PPAN: variants seen among roughly 807,000 people sequenced by gnomAD.
The protein encoded by PPAN is peter pan homolog, also known as suppressor of SWI4 1 homolog.
In PPAN, 39 loss-of-function variants were observed where a neutral mutation model predicts 48.5. The ratio of observed to expected loss-of-function variants is 0.80; its 90% CI spans 0.62 to 1.05. The LOEUF (loss-of-function observed/expected upper bound fraction) is 1.05. PPAN is among the 50% of genes least tolerant of loss of function. The pLI, the probability that PPAN is intolerant of heterozygous loss-of-function variation, is 0.00. For missense variants in PPAN, 736 were observed against 661.7 expected, an observed-to-expected ratio of 1.11 and a Z score of -1.23; for synonymous variants, 315 against 268.6, an observed-to-expected ratio of 1.17 and a Z score of -1.69.
rs1044055263 is a variant in PPAN, at chr19:10,111,961, T to C, written c.*796T>C. The C allele has an allele frequency of 3.8e-6, 2 of 522,714 alleles. No individual in the cohort carries two copies. The highest frequency in any genetic ancestry group is 3.5e-6 in the Non-Finnish European group (1 of 289,654). The allele number at this position is 522,714 out of a possible 1,614,324, so 32.4% of individuals were successfully genotyped here. A position where few individuals can be genotyped will look rare whatever the true frequency, so the allele number is the denominator to read the frequency against. ...CCCGTCTCTACTAAAAATAAAAAAATTAGCTGGGCCTGGTGGCACATGCCT... is the reference window on the plus strand; with the variant it reads ...CCCGTCTCTACTAAAAATAAAAAAACTAGCTGGGCCTGGTGGCACATGCCT... On this transcript the variant is annotated 3_prime_UTR_variant, in exon 12 of 12. Coordinates refer to ENST00000253107, the MANE Select transcript of PPAN (RefSeq NM_020230.7).
rs568292092 is a variant in PPAN at position 10,109,716 on chromosome 19, C to T, written c.590+9C>T. ...CTGGACTTCCGCCACTAGTGAGTGTCCCAGCAGGATGGGAGACGAGGGGGT... is the reference window on the plus strand; with the variant it reads ...CTGGACTTCCGCCACTAGTGAGTGTTCCAGCAGGATGGGAGACGAGGGGGT... On this transcript the variant is annotated intron_variant, in intron 6 of 11. Transcript: ENST00000253107. 3.5e-4 allele frequency: 561 copies of T among 1,613,030 alleles called. 4 individuals carry two copies. In the South Asian group the frequency reaches 5.9e-3, roughly 17 times the overall value.
At position 10,110,313 on chromosome 19, in the gene PPAN, C is replaced by T. The variant is rs773288204; in HGVS notation, c.823-11C>T. ...CAACGGTGGGCTGACGCTTCTTCCT[C>T]GTCCCCTCAGATCGGCCCGCGGATG... On this transcript the variant is annotated splice_polypyrimidine_tract_variant and intron_variant, in intron 8 of 11. Coordinates refer to ENST00000253107, the MANE Select transcript of PPAN (RefSeq NM_020230.7). The surrounding 1 kb of genome is among the most constrained non-coding windows in gnomAD (Gnocchi z 5.9). 27 of 1,613,576 alleles carry T rather than the reference C, an allele frequency of 1.7e-5. No individual in the cohort carries two copies. The highest frequency in any genetic ancestry group is 1.6e-4 in the Middle Eastern group (1 of 6,084).
chr19:10,110,579 T>C lies in PPAN; in HGVS notation c.996T>C (p.Asn332=), dbSNP rs753661540. The C allele has an allele frequency of 6.2e-7, 1 of 1,603,698 alleles. No individual in the cohort carries two copies. The highest frequency in any genetic ancestry group is 8.5e-7 in the Non-Finnish European group (1 of 1,176,094). The change falls in exon 10 of 12, where the codon AAT becomes AAC. Residue 332 remains asparagine (N), a synonymous_variant. Transcript: ENST00000253107. The surrounding 1 kb of genome is among the most constrained non-coding windows in gnomAD (Gnocchi z 5.9). The part of the protein sequence containing the change: ...KAQRQAQQAQ[N]VQRKQEQREA... ...AGAGGCAGGCCCAGCAGGCCCAGAA[T>C]GTGCAGCGCAAGCAGGAGCAGCGGG...
At chr19:10,107,697 T>G (rs751977822) in intron 3 of PPAN, 91 bp downstream of exon 3, 1 of 1,607,690 alleles carries the variant, frequency 6.2e-7, no homozygotes, top group Non-Finnish European at 8.5e-7. Flanking sequence ...CTGCTGTGAT[T>G]TCTGGCTTCA....
At position 10,110,660 on chromosome 19, in the gene PPAN, G is replaced by A; in HGVS notation, c.1032-37G>A. ...GGCAGGGCCAAGGGGGGGTCCCTGG[G>A]ATGGGCGGCTATGTTGACCCCCACG... On this transcript the variant is annotated intron_variant, in intron 10 of 11. Transcript: ENST00000253107. The surrounding 1 kb of genome is among the most constrained non-coding windows in gnomAD (Gnocchi z 5.9). 1 of 1,611,950 alleles carries A rather than the reference G, an allele frequency of 6.2e-7. No homozygotes were observed. The highest frequency in any genetic ancestry group is 2.2e-5 in the East Asian group (1 of 44,826).
intron 2 of PPAN, among the ~76,000 whole-genome samples, 158 bp from the exon 3 acceptor site, chr19:10,107,347 C>CT: frequency 6.6e-6 from 1 of 152,212 alleles, no homozygotes; most frequent in Non-Finnish European, 1.5e-5. Context: ...CTCAAATCTG[C>CT]GTCCGACTGA....
rs1343708621 is a variant in PPAN, at chr19:10,107,555, CG to C, written c.244del (p.Val82SerfsTer5). 1 of 1,613,992 alleles carries C rather than the reference CG, an allele frequency of 6.2e-7. No individual in the cohort carries two copies. The highest frequency in any genetic ancestry group is 8.5e-7 in the Non-Finnish European group (1 of 1,180,038). Reference protein sequence around the residue: ...KDCVAVAGPLGVTHFLILSKT... With the variant: ...KDCVAVAGPLXVTHFLILSKT... ...ACTGCGTGGCAGTGGCTGGGCCCCT[CG>C]GGGTCACACACTTTCTGATCCTGAG... On this transcript the variant is annotated frameshift_variant, in exon 3 of 12. Transcript: ENST00000253107. LOFTEE classifies it high-confidence loss of function.
intron 5 of PPAN, 67 bp from the exon 6 acceptor site, chr19:10,109,564 C>G (rs1394153111): frequency 2.0e-6 from 3 of 1,514,116 alleles, no homozygotes; most frequent in East Asian, 2.3e-5. Flanking sequence ...GTGTATCCCC[C>G]AAAGCCCCCA....
chr19:10,108,411 C>T (rs1227338249), intron 5 of PPAN, among the ~76,000 whole-genome samples: 2 of 152,102 alleles, frequency 1.3e-5, no homozygotes, highest in African/African-American at 2.4e-5. Context: ...GAGTGCTGGG[C>T]TGAGCAGGAT....
At position 10,110,131 on chromosome 19, in the gene PPAN, G is replaced by A. The variant is rs892653060; in HGVS notation, c.707G>A (p.Gly236Glu). The change falls in exon 8 of 12, where the codon GGG becomes GAG. Residue 236 changes from glycine (G) to glutamate (E), a missense_variant. By Grantham distance (98) the Gly-to-Glu change is moderately conservative (BLOSUM62 -2). Transcript: ENST00000253107. This position sits in a 1 kb window ranked among gnomAD's most constrained non-coding sequence, Gnocchi z 5.9. ...TTATGTCCTACACACAGGGGCGCGGGGCTGTCGGAGAGCGAGGCAGAGCCT... is the reference window on the plus strand; with the variant it reads ...TTATGTCCTACACACAGGGGCGCGGAGCTGTCGGAGAGCGAGGCAGAGCCT... The part of the protein sequence containing the change: ...DISELLATGA[G>E]LSESEAEPDG... 1.2e-6 allele frequency: 2 copies of A among 1,610,666 alleles called. No homozygotes were observed. The highest frequency in any genetic ancestry group is 1.3e-5 in the African/African-American group (1 of 75,052).
Position 10,111,091 on chromosome 19 carries a change from C to CG in PPAN, c.1353dup (p.Pro452AlafsTer124), listed in dbSNP as rs2089049965. On this transcript the variant is annotated frameshift_variant, in exon 12 of 12. Transcript: ENST00000253107. LOFTEE classifies it low-confidence loss of function (END_TRUNC). ...CAAGTCCCAGGGAGCCCAGGCCAGG[C>CG]GGGGGCCCAGAGGGGCTTCCCGGGA... 2.5e-6 allele frequency: 4 copies of CG among 1,612,852 alleles called. No individual in the cohort carries two copies. The highest frequency in any genetic ancestry group is 3.4e-6 in the Non-Finnish European group (4 of 1,179,672).
rs940482070 is a variant in PPAN at position 10,106,926 on chromosome 19, C to T, written c.189+255C>T. The T allele has an allele frequency of 6.0e-6, 4 of 664,324 alleles. No individual in the cohort carries two copies. The East Asian group carries it at 1.1e-4, about 19-fold the overall frequency. 41.2% of individuals were successfully genotyped at this position (664,324 alleles called of 1,614,324 possible). Reference sequence around the variant, plus strand: ...CTGGAGCCGGGCGTGGTGGCTCATGCCTGTATTCCCAGCATTTGGGGATGC... The same window carrying T: ...CTGGAGCCGGGCGTGGTGGCTCATGTCTGTATTCCCAGCATTTGGGGATGC... On this transcript the variant is annotated intron_variant, in intron 2 of 11. Transcript: ENST00000253107.
At position 10,110,020 on chromosome 19, in the gene PPAN, C is replaced by G; in HGVS notation, c.698C>G (p.Thr233Arg). ...CAGGACATCAGCGAGCTGCTGGCCA[C>G]GTGAGGAGGGCATAGGGCGGGAGGC... Reference protein sequence around the residue: ...RLQDISELLATGAGLSESEAE... With the variant: ...RLQDISELLARGAGLSESEAE... Residue 233 changes from threonine (T) to arginine (R), a missense_variant and splice_region_variant, in exon 7 of 12, where the codon ACG becomes AGG. Transcript: ENST00000253107. The surrounding 1 kb of genome is among the most constrained non-coding windows in gnomAD (Gnocchi z 5.9). The G allele has an allele frequency of 1.2e-6, 2 of 1,613,832 alleles. No individual in the cohort carries two copies. The highest frequency in any genetic ancestry group is 2.7e-5 in the African/African-American group (2 of 75,068).
At position 10,110,234 on chromosome 19, in the gene PPAN, G is replaced by A. The variant is rs115304803; in HGVS notation, c.810G>A (p.Val270=). The A allele has an allele frequency of 1.6e-5, 26 of 1,611,500 alleles. No homozygotes were observed. In the African/African-American group the frequency reaches 3.1e-4, roughly 19 times the overall value. The change falls in exon 8 of 12, where the codon GTG becomes GTA. Residue 270 remains valine (V), a synonymous_variant. Coordinates refer to ENST00000253107, the MANE Select transcript of PPAN (RefSeq NM_020230.7). The surrounding 1 kb of genome is among the most constrained non-coding windows in gnomAD (Gnocchi z 5.9). The part of the protein sequence containing the change: ...RGNMRAQQSA[V]RLTEIGPRMT... ...ACATGCGGGCCCAGCAGAGTGCAGT[G>A]CGGCTCACCGAGGTGAGGCCCAGGG...
Position 10,110,917 on chromosome 19 carries a change from G to A in PPAN, c.1202-28G>A. ...CACCCAGAGCCTGTCCTTGTCTCTG[G>A]GGGCCCTGACACTGTCTCTCCCCAC... is the stretch of plus-strand genomic sequence containing the variant. On this transcript the variant is annotated intron_variant, in intron 11 of 11. Transcript: ENST00000253107. The surrounding 1 kb of genome is among the most constrained non-coding windows in gnomAD (Gnocchi z 5.9). The A allele has an allele frequency of 1.2e-6, 2 of 1,613,146 alleles. No homozygotes were observed. Among genetic ancestry groups the A allele is most frequent in the Non-Finnish European group, 1.7e-6 (2 of 1,179,780 alleles).
chr19:10,107,483 T>C (rs746156367), intron 2 of PPAN, 22 bp from the exon 3 acceptor site: 2 of 1,611,474 alleles, frequency 1.2e-6, no homozygotes, highest in Non-Finnish European at 1.7e-6. Context: ...ATGTTTTCTT[T>C]TTTTCTTTTT....
In PPAN at chr19:10,108,149, G is replaced by C; in HGVS notation, c.513+15G>C. ...ACGTGCACAAGGTGGGTCTGGCCTG[G>C]CGAGGTGGCAGGTATGGGGGGGTGC... is the stretch of plus-strand genomic sequence containing the variant. On this transcript the variant is annotated intron_variant, in intron 5 of 11. Transcript: ENST00000253107. The C allele has an allele frequency of 6.3e-7, 1 of 1,599,902 alleles. No homozygotes were observed. The highest frequency in any genetic ancestry group is 8.5e-7 in the Non-Finnish European group (1 of 1,172,528).
chr19:10,109,603 G>A (rs775630704), intron 5 of PPAN, 28 bp from the exon 6 acceptor site: 1 of 1,604,886 alleles, frequency 6.2e-7, no homozygotes, highest in Non-Finnish European at 8.5e-7. Context: ...TGAGTCTACT[G>A]GACTATGCTC....
At chr19:10,107,348 G>A (rs1464128858) in intron 2 of PPAN, among the ~76,000 whole-genome samples, 157 bp from the exon 3 acceptor site, 4 of 152,222 alleles carry the variant, frequency 2.6e-5, no homozygotes, top group Admixed American at 6.5e-5. Flanking sequence ...TCAAATCTGC[G>A]TCCGACTGAC....
Sources: gnomAD v4.1 joint callset for allele counts (sites outside exome capture counted in the v4.1 genomes callset) on GRCh38, gnomAD v4.1.1 for gene constraint, Gnocchi (gnomAD v3.1) non-coding constraint, MANE v1.5 for transcripts, NCBI Gene and HGNC (gene_info 2026-07-23, HGNC 2026-07-21) for gene names.